Variants in THOP1 observed in about 807,000 individuals in gnomAD.
THOP1 encodes thimet oligopeptidase 1, also known as thimet oligopeptidase.
THOP1 carries 49 observed loss-of-function variants against 71.8 expected under a neutral mutation model. The observed-to-expected ratio is 0.68, with a 90% CI of 0.54 to 0.87. The LOEUF (loss-of-function observed/expected upper bound fraction) is 0.87, where lower values mean the gene tolerates loss of function less well. THOP1 is among the 40% of genes least tolerant of loss of function. THOP1 has a pLI of 0.00. For synonymous variants in THOP1, 426 were observed against 421.5 expected (o/e 1.01, Z -0.13); for missense variants, 843 against 975.6 (o/e 0.86, Z 1.81).
At position 2,801,933 on chromosome 19, in the gene THOP1, G is replaced by A. The variant is rs1916151901; in HGVS notation, c.589+2142G>A. Among the ~76,000 whole-genome samples, 1 of 151,964 alleles carries A rather than the reference G, an allele frequency of 6.6e-6. No homozygotes were observed. The highest frequency in any genetic ancestry group is 2.4e-5 in the African/African-American group (1 of 41,344). On this transcript the variant is annotated intron_variant, in intron 5 of 12. Coordinates refer to ENST00000307741, the MANE Select transcript of THOP1 (RefSeq NM_003249.5). The surrounding 1 kb of genome is among the most constrained non-coding windows in gnomAD (Gnocchi z 5.1). ...CCACATGACCCAGCTGCCTCTTGAA[G>A]GCCCCAGTACCTAATCCTGCCATCT...
rs944399014 is a variant in THOP1 at position 2,801,508 on chromosome 19, T to C, written c.589+1717T>C. ...GGGTGGCTAGCGTGTTGGGTGACAG[T>C]CTCCAGGGCTGTCCGCTGCTGCTGC... is the stretch of plus-strand genomic sequence containing the variant. On this transcript the variant is annotated intron_variant, in intron 5 of 12. Transcript: ENST00000307741. The surrounding 1 kb of genome is among the most constrained non-coding windows in gnomAD (Gnocchi z 5.1). Among the ~76,000 whole-genome samples the C allele has an allele frequency of 4.6e-5, 7 of 152,130 alleles. No individual in the cohort carries two copies. The highest frequency in any genetic ancestry group is 1.7e-4 in the African/African-American group (7 of 41,412).
intron 1 of THOP1, among the ~76,000 whole-genome samples, chr19:2,786,396 C>T (rs567477207): frequency 6.6e-6 from 1 of 152,242 alleles, no homozygotes; most frequent in African/African-American, 2.4e-5. Context: ...CAGGCCTGCA[C>T]CACCACACTT....
intron 3 of THOP1, 53 bp downstream of exon 3, chr19:2,794,965 A>C: frequency 6.3e-7 from 1 of 1,575,570 alleles, no homozygotes. Context: ...CTAGGATTAC[A>C]GGCGCCCGCC....
At chr19:2,794,677 C>T in intron 2 of THOP1, 87 bp from the exon 3 acceptor site, 1 of 1,488,184 alleles carries the variant, frequency 6.7e-7, no homozygotes, top group Non-Finnish European at 9.1e-7. Context: ...ATTCAGCAGA[C>T]AGGCCTGGGA....
intron 5 of THOP1, among the ~76,000 whole-genome samples, chr19:2,802,047 G>A (rs111469703): frequency 7.1e-6 from 1 of 139,998 alleles, no homozygotes; most frequent in South Asian, 2.4e-4. Context: ...TCTCAATACC[G>A]CCACCTCCCA....
rs1915792332 is a variant in THOP1 at position 2,788,060 on chromosome 19, G to C, written c.17-2361G>C. On this transcript the variant is annotated intron_variant, in intron 1 of 12. Transcript: ENST00000307741. ...AATGTTAAAATGTCCCCGGCCCCAA[G>C]ACTTTTTGGACAGGAGAGCATGGTC... Among the ~76,000 whole-genome samples, 3 of 152,308 alleles carry C rather than the reference G, an allele frequency of 2.0e-5. No individual in the cohort carries two copies. The South Asian group carries it at 6.2e-4, about 32-fold the overall frequency.
intron 4 of THOP1, among the ~76,000 whole-genome samples, chr19:2,797,794 CAGCCAT>C (rs1205533335): frequency 2.0e-5 from 3 of 152,210 alleles, no homozygotes; most frequent in African/African-American, 7.2e-5. Flanking sequence ...TCCCAGGCTG[CAGCCAT>C]AGCCCCATGG....
chr19:2,810,192 G>T, intron 9 of THOP1, 112 bp from the exon 10 acceptor site: 1 of 1,333,550 alleles, frequency 7.5e-7, no homozygotes, highest in Middle Eastern at 2.7e-4. Context: ...CGGGCCCAGC[G>T]CATCACCTGT....
At position 2,796,000 on chromosome 19, in the gene THOP1, G is replaced by A. The variant is rs573276517; in HGVS notation, c.379-81G>A. On this transcript the variant is annotated intron_variant, in intron 3 of 12. Coordinates refer to ENST00000307741, the MANE Select transcript of THOP1 (RefSeq NM_003249.5). ...AAGTCACACGGGGGCCGGATGATCA[G>A]GTTTTTAAGAAACTGCCAAACTGCT... 35 of 1,139,522 alleles carry A rather than the reference G, an allele frequency of 3.1e-5. No individual in the cohort carries two copies. In the East Asian group the frequency reaches 8.8e-4, roughly 29 times the overall value. 70.6% of individuals were successfully genotyped at this position (1,139,522 alleles called of 1,614,324 possible).
At chr19:2,798,235 T>C (rs904096548) in intron 4 of THOP1, among the ~76,000 whole-genome samples, 2 of 152,136 alleles carry the variant, frequency 1.3e-5, no homozygotes, top group Non-Finnish European at 2.9e-5. Context: ...TTTACCACAT[T>C]GGCCAGGCTG....
In THOP1 at chr19:2,805,636, C is replaced by T. The variant is rs986598175; in HGVS notation, c.750+460C>T. On this transcript the variant is annotated intron_variant, in intron 6 of 12. Transcript: ENST00000307741. This position sits in a 1 kb window ranked among gnomAD's most constrained non-coding sequence, Gnocchi z 6.6. The stretch of plus-strand genomic sequence containing the variant: ...CCACAGGGACACATGTAACTGTCCA[C>T]GGCGCCATGGTGTGGTCGGTCAGGT... Among the ~76,000 whole-genome samples the T allele has an allele frequency of 4.6e-5, 7 of 152,268 alleles. No individual in the cohort carries two copies. Among genetic ancestry groups the T allele is most frequent in the South Asian group, 2.1e-4 (1 of 4,828 alleles).
At chr19:2,789,078 TACAC>T (rs1915816121) in intron 1 of THOP1, among the ~76,000 whole-genome samples, 1 of 152,212 alleles carries the variant, frequency 6.6e-6, no homozygotes, top group South Asian at 2.1e-4. Context: ...CCTATTTTTG[TACAC>T]CCCTGGAACT....
chr19:2,807,943 C>A (rs1245122211), intron 8 of THOP1, 135 bp downstream of exon 8: 2 of 1,086,612 alleles, frequency 1.8e-6, no homozygotes, highest in South Asian at 1.8e-5. Flanking sequence ...AGACGTAGCA[C>A]CCGTGGGCAC....
rs944737184 is a variant in THOP1 at position 2,813,791 on chromosome 19, G to C, written c.*515G>C. 2 of 153,498 alleles carry C rather than the reference G, an allele frequency of 1.3e-5. No homozygotes were observed. The highest frequency in any genetic ancestry group is 4.8e-5 in the African/African-American group (2 of 41,416). The allele number at this position is 153,498 out of a possible 1,614,324, so 9.5% of individuals were successfully genotyped here. ...TCTGCCAGCCAGGCCGGCCTGGGGGGTCTGAGAGACTTCGGCTTCCTGCAT... is the reference window on the plus strand; with the variant it reads ...TCTGCCAGCCAGGCCGGCCTGGGGGCTCTGAGAGACTTCGGCTTCCTGCAT... On this transcript the variant is annotated 3_prime_UTR_variant, in exon 13 of 13. Transcript: ENST00000307741.
In THOP1 at chr19:2,810,694, C is replaced by A. The variant is rs182189341; in HGVS notation, c.1697C>A (p.Thr566Lys). The A allele has an allele frequency of 2.9e-5, 45 of 1,572,988 alleles. No homozygotes were observed. The South Asian group carries it at 5.1e-4, about 18-fold the overall frequency. Reference sequence around the variant, plus strand: ...GCCAAGGTGGACCAGGCCCTGCACACGCAGACGGACGCAGACCCCGCCGAG... The same window carrying A: ...GCCAAGGTGGACCAGGCCCTGCACAAGCAGACGGACGCAGACCCCGCCGAG... Reference protein sequence around the residue: ...VLAKVDQALHTQTDADPAEEY... With the variant: ...VLAKVDQALHKQTDADPAEEY... Residue 566 changes from threonine (T) to lysine (K), a missense_variant, in exon 11 of 13, where the codon ACG (threonine) becomes AAG (lysine). Thr to Lys is a moderately conservative substitution (Grantham distance 78). Coordinates refer to ENST00000307741, the MANE Select transcript of THOP1 (RefSeq NM_003249.5).
intron 3 of THOP1, 27 bp from the exon 4 acceptor site, chr19:2,796,054 C>G: frequency 6.3e-7 from 1 of 1,592,098 alleles, no homozygotes; most frequent in Admixed American, 1.7e-5. Context: ...GGCCCACGTC[C>G]TACATGCTTT....
intron 10 of THOP1, 73 bp from the exon 11 acceptor site, chr19:2,810,567 T>G (rs2144784313): frequency 6.6e-7 from 1 of 1,525,032 alleles, no homozygotes; most frequent in African/African-American, 1.4e-5. Flanking sequence ...GTGCCCCGGG[T>G]GGGGGTCGGA....
intron 1 of THOP1, among the ~76,000 whole-genome samples, chr19:2,788,327 T>C (rs1178733923): frequency 6.6e-6 from 1 of 152,218 alleles, no homozygotes; most frequent in African/African-American, 2.4e-5. Context: ...AGCTAGCTTG[T>C]TGTGCCTGCC....
Position 2,796,225 on chromosome 19 carries a change from A to G in THOP1, c.486+37A>G, listed in dbSNP as rs191374448. 495 of 1,495,010 alleles carry G rather than the reference A, an allele frequency of 3.3e-4. 2 individuals carry two copies. The African/African-American group carries it at 4.6e-3, about 14-fold the overall frequency. The allele number at this position is 1,495,010 out of a possible 1,614,324, so 92.6% of individuals were successfully genotyped here. The stretch of plus-strand genomic sequence containing the variant: ...GTGTAGGGAGTGCTGGGCGTGGGCA[A>G]TGGTCGATCCCGGGGAGTGCTGGGC... On this transcript the variant is annotated intron_variant, in intron 4 of 12. Transcript: ENST00000307741.
Sources: gnomAD v4.1 joint callset for allele counts (sites outside exome capture counted in the v4.1 genomes callset) on GRCh38, gnomAD v4.1.1 for gene constraint, Gnocchi (gnomAD v3.1) non-coding constraint, MANE v1.5 for transcripts, NCBI Gene and HGNC (gene_info 2026-07-23, HGNC 2026-07-21) for gene names.